Variants in GRID2 observed in about 807,000 individuals in gnomAD.
GRID2 encodes glutamate ionotropic receptor delta type subunit 2.
GRID2 carries 33 observed loss-of-function variants against 114.8 expected under a neutral mutation model. The observed-to-expected ratio is 0.29, with a 90% CI of 0.22 to 0.38. GRID2 has a LOEUF of 0.38. Ranked by LOEUF, GRID2 falls within the 10% of genes least tolerant of loss-of-function variation. GRID2 has a pLI of 1.00. For missense variants in GRID2, 1,184 were observed against 1,257.7 expected, an observed-to-expected ratio of 0.94 and a Z score of 0.89; for synonymous variants, 505 against 449.9, an observed-to-expected ratio of 1.12 and a Z score of -1.55.
intron 12 of GRID2, among the ~76,000 whole-genome samples, chr4:93,507,826 T>C (rs1728771500): frequency 6.6e-6 from 1 of 152,212 alleles, no homozygotes; most frequent in Admixed American, 6.5e-5. Context: ...TTATTTGCCT[T>C]GCCTCTGAAT....
At chr4:93,601,852 A>G (rs1480775621) in intron 13 of GRID2, among the ~76,000 whole-genome samples, 1 of 152,190 alleles carries the variant, frequency 6.6e-6, no homozygotes, top group Non-Finnish European at 1.5e-5. Flanking sequence ...GTTATTATGA[A>G]TAACACTATT....
At chr4:92,929,488 G>A (rs985860018) in intron 2 of GRID2, among the ~76,000 whole-genome samples, 4 of 151,218 alleles carry the variant, frequency 2.6e-5, no homozygotes, top group African/African-American at 9.7e-5. Context: ...TTTAGTTTTT[G>A]TATAGTAAGT....
intron 1 of GRID2, among the ~76,000 whole-genome samples, chr4:92,391,442 C>T (rs967116057): frequency 6.6e-6 from 1 of 151,938 alleles, no homozygotes; most frequent in Admixed American, 6.6e-5. Context: ...ATAATATTAA[C>T]AGTATTAGTA....
chr4:93,479,869 C>A (rs1358423498), intron 11 of GRID2, among the ~76,000 whole-genome samples: 1 of 152,000 alleles, frequency 6.6e-6, no homozygotes, highest in Non-Finnish European at 1.5e-5. Context: ...GTTGTCTGTT[C>A]CTGAATCCAG....
chr4:92,396,948 CACT>C (rs1459913932), intron 1 of GRID2, among the ~76,000 whole-genome samples: 1 of 152,020 alleles, frequency 6.6e-6, no homozygotes, highest in African/African-American at 2.4e-5. Context: ...AACTGCTGTC[CACT>C]TTTATAGTTA....
chr4:93,515,181 G>T, intron 12 of GRID2, 35 bp from the exon 13 acceptor site: 3 of 1,004,394 alleles, frequency 3.0e-6, no homozygotes, highest in South Asian at 1.9e-5. Flanking sequence ...TCAGTAATGT[G>T]TCTCTTGTGT....
At chr4:92,508,665 A>G (rs1430813643) in intron 1 of GRID2, among the ~76,000 whole-genome samples, 1 of 152,062 alleles carries the variant, frequency 6.6e-6, no homozygotes, top group Middle Eastern at 3.4e-3. Flanking sequence ...AGGAAAGAAA[A>G]GTTCTAGAAG....
At chr4:93,320,702 A>G (rs1273850708) in intron 8 of GRID2, among the ~76,000 whole-genome samples, 1 of 152,056 alleles carries the variant, frequency 6.6e-6, no homozygotes, top group Non-Finnish European at 1.5e-5. Context: ...GAATTATAAT[A>G]TTGCTGGGTT....
At chr4:92,779,112 T>C (rs951577931) in intron 2 of GRID2, among the ~76,000 whole-genome samples, 5 of 152,030 alleles carry the variant, frequency 3.3e-5, no homozygotes, top group Admixed American at 3.3e-4. Flanking sequence ...TTAGAGATGC[T>C]TGAGAAGAAC....
At chr4:93,477,488 T>G (rs550083959) in intron 11 of GRID2, among the ~76,000 whole-genome samples, 1 of 152,244 alleles carries the variant, frequency 6.6e-6, no homozygotes, top group Non-Finnish European at 1.5e-5. Context: ...CTACCAAGCC[T>G]TTCGACCAAA....
At chr4:93,510,926 T>A (rs1385828674) in intron 12 of GRID2, among the ~76,000 whole-genome samples, 9 of 151,814 alleles carry the variant, frequency 5.9e-5, no homozygotes, top group Non-Finnish European at 1.0e-4. Context: ...AAAATTTAAT[T>A]GTATTATTTT....
intron 4 of GRID2, among the ~76,000 whole-genome samples, chr4:93,185,375 A>G (rs538490711): frequency 6.6e-6 from 1 of 152,334 alleles, no homozygotes; most frequent in South Asian, 2.1e-4. Context: ...GATCCAAAAG[A>G]AGATAATAAA....
At chr4:92,658,242 G>A (rs554586832) in intron 2 of GRID2, among the ~76,000 whole-genome samples, 10 of 151,712 alleles carry the variant, frequency 6.6e-5, no homozygotes, top group South Asian at 6.2e-4. Flanking sequence ...GTTTAGATAC[G>A]GTACTCCTTA....
intron 4 of GRID2, among the ~76,000 whole-genome samples, chr4:93,202,024 C>T (rs922607555): frequency 1.3e-5 from 2 of 151,972 alleles, no homozygotes; most frequent in East Asian, 3.9e-4. Flanking sequence ...TTCAAAGTGG[C>T]ATCAACTCTA....
At chr4:92,724,250 C>G (rs567034481) in intron 2 of GRID2, among the ~76,000 whole-genome samples, 1 of 152,200 alleles carries the variant, frequency 6.6e-6, no homozygotes, top group South Asian at 2.1e-4. Context: ...GCAGCCTGGT[C>G]TGAGAATAAA....
At chr4:92,744,568 CTT>C (rs1737056429) in intron 2 of GRID2, among the ~76,000 whole-genome samples, 1 of 151,700 alleles carries the variant, frequency 6.6e-6, no homozygotes, top group Non-Finnish European at 1.5e-5. Context: ...TACTCCAACT[CTT>C]TTCAACCTCC....
chr4:93,099,268 T>C (rs1287071053), intron 3 of GRID2, among the ~76,000 whole-genome samples: 4 of 151,942 alleles, frequency 2.6e-5, no homozygotes, highest in African/African-American at 7.2e-5. Context: ...ATAATTGTTT[T>C]ATTATAATTC....
intron 8 of GRID2, among the ~76,000 whole-genome samples, chr4:93,338,020 T>A (rs1190041183): frequency 6.6e-6 from 1 of 152,202 alleles, no homozygotes; most frequent in Non-Finnish European, 1.5e-5. Flanking sequence ...AATGTGCTGG[T>A]AAATTAACAG....
At position 92,956,798 on chromosome 4, in the gene GRID2, C is replaced by T. The variant is rs925353177; in HGVS notation, c.245-128197C>T. ...TAATGAATGAAAGTTCTTGTTGGTT[C>T]ACATCCTCCCCAGCATTTGGTATTA... On this transcript the variant is annotated intron_variant, in intron 2 of 15. Transcript: ENST00000282020. Among the ~76,000 whole-genome samples the T allele has an allele frequency of 2.6e-5, 4 of 152,268 alleles. No individual in the cohort carries two copies. The East Asian group carries it at 7.7e-4, about 29-fold the overall frequency.
Sources: allele counts gnomAD v4.1 joint callset (sites outside exome capture counted in the v4.1 genomes callset), GRCh38; gene constraint gnomAD v4.1.1; transcripts MANE v1.5; gene names NCBI Gene and HGNC (gene_info 2026-07-23, HGNC 2026-07-21).